ANO2: variants seen among roughly 807,000 people sequenced by gnomAD.
ANO2 encodes anoctamin 2, also known as anoctamin-2.
Under a neutral mutation model 124.2 loss-of-function variants are expected in ANO2, and 101 were observed. That is an observed-to-expected ratio of 0.81 (90% CI 0.69 to 0.96). ANO2 has a LOEUF of 0.96. ANO2 is among the 40% of genes least tolerant of loss of function. The pLI, the probability that ANO2 is intolerant of heterozygous loss-of-function variation, is 0.00. For synonymous variants in ANO2, 486 were observed against 482.5 expected (o/e 1.01, Z -0.09); for missense variants, 1,293 against 1,274.5 (o/e 1.01, Z -0.22).
intron 1 of ANO2, among the ~76,000 whole-genome samples, chr12:5,938,507 T>C (rs75343188): frequency 0.097 from 14,836 of 152,232 alleles, 1,161 homozygotes; most frequent in African/African-American, 0.21. Context: ...CTGCACCCAG[T>C]CTATTTTATT....
intron 13 of ANO2, among the ~76,000 whole-genome samples, chr12:5,733,493 G>A (rs1343498935): frequency 6.6e-6 from 1 of 152,208 alleles, no homozygotes; most frequent in Non-Finnish European, 1.5e-5. Flanking sequence ...TCATGTTCCT[G>A]CATCGTTTAT....
At chr12:5,703,369 T>C (rs1169429796) in intron 14 of ANO2, among the ~76,000 whole-genome samples, 2 of 151,938 alleles carry the variant, frequency 1.3e-5, no homozygotes, top group African/African-American at 4.8e-5. Context: ...TTAAGAGCAG[T>C]GGTAACGTCA....
Position 5,613,177 on chromosome 12 carries a change from G to T in ANO2, c.1929-219C>A, listed in dbSNP as rs112771756. Among the ~76,000 whole-genome samples, 329 of 152,204 alleles carry T rather than the reference G, an allele frequency of 2.2e-3. 2 individuals are homozygous for T. The highest frequency in any genetic ancestry group is 7.6e-3 in the African/African-American group (316 of 41,520). Reference sequence around the variant, plus strand: ...TTCTTAACCCAGTCAAATGTCAGACGATAGGAATAAGCTGGGCAGAGGATG... The same window carrying T: ...TTCTTAACCCAGTCAAATGTCAGACTATAGGAATAAGCTGGGCAGAGGATG... On this transcript the variant is annotated intron_variant, in intron 17 of 24. Transcript: ENST00000682330.
At chr12:5,845,632 G>T (rs1954659117) in intron 4 of ANO2, among the ~76,000 whole-genome samples, 1 of 150,718 alleles carries the variant, frequency 6.6e-6, no homozygotes, top group Non-Finnish European at 1.5e-5. Context: ...TATACTTTGA[G>T]AAATGCCATT....
intron 20 of ANO2, among the ~76,000 whole-genome samples, chr12:5,591,266 G>A (rs1444818473): frequency 6.6e-6 from 1 of 152,190 alleles, no homozygotes; most frequent in Non-Finnish European, 1.5e-5. Context: ...TGTAGTACAG[G>A]TGCTTACATA....
At chr12:5,628,181 C>T (rs892416948) in intron 16 of ANO2, among the ~76,000 whole-genome samples, 2 of 152,184 alleles carry the variant, frequency 1.3e-5, no homozygotes, top group African/African-American at 4.8e-5. Flanking sequence ...TTATAAAGCT[C>T]GCAGGACCCC....
intron 3 of ANO2, among the ~76,000 whole-genome samples, chr12:5,865,416 T>C (rs1450440022): frequency 1.5e-4 from 22 of 145,568 alleles, no homozygotes; most frequent in Non-Finnish European, 7.5e-5. Flanking sequence ...CCATCATGAA[T>C]TCATACCATC....
At chr12:5,679,545 A>G (rs1163679038) in intron 14 of ANO2, among the ~76,000 whole-genome samples, 1 of 152,240 alleles carries the variant, frequency 6.6e-6, no homozygotes, top group African/African-American at 2.4e-5. Flanking sequence ...AAAGCTCAAT[A>G]TCACTGATCA....
At chr12:5,699,451 A>G (rs575051509) in intron 14 of ANO2, among the ~76,000 whole-genome samples, 3 of 152,324 alleles carry the variant, frequency 2.0e-5, no homozygotes, top group Admixed American at 1.3e-4. Flanking sequence ...AGCACTAAAC[A>G]TGGAAAGGAA....
intron 20 of ANO2, among the ~76,000 whole-genome samples, chr12:5,588,778 C>A (rs1412324079): frequency 6.6e-6 from 1 of 152,198 alleles, no homozygotes; most frequent in African/African-American, 2.4e-5. Flanking sequence ...TGACACATTG[C>A]ACAATTGGTT....
At chr12:5,882,188 A>G (rs923446455) in intron 3 of ANO2, among the ~76,000 whole-genome samples, 2 of 152,206 alleles carry the variant, frequency 1.3e-5, no homozygotes, top group Non-Finnish European at 2.9e-5. Context: ...TCATCAACTC[A>G]GTCACTGAAG....
intron 3 of ANO2, among the ~76,000 whole-genome samples, chr12:5,889,850 G>C (rs866285624): frequency 1.6e-4 from 24 of 152,236 alleles, no homozygotes; most frequent in African/African-American, 5.5e-4. Context: ...CCCCGTCCAA[G>C]ACCCTTTACC....
At chr12:5,845,883 A>G (rs903997691) in intron 4 of ANO2, among the ~76,000 whole-genome samples, 7 of 152,256 alleles carry the variant, frequency 4.6e-5, no homozygotes, top group Non-Finnish European at 1.0e-4. Context: ...CAAATCACGT[A>G]CATAAGGCTC....
chr12:5,563,258 G>T lies in ANO2; in HGVS notation c.*41C>A. 6.4e-7 allele frequency: 1 copy of T among 1,566,500 alleles called. No homozygotes were observed. Among genetic ancestry groups the T allele is most frequent in the South Asian group, 1.2e-5 (1 of 85,916 alleles). On this transcript the variant is annotated 3_prime_UTR_variant, in exon 25 of 25. Coordinates refer to ENST00000682330, the MANE Select transcript of ANO2 (RefSeq NM_001364791.2). ...GGAACATGCTTACGTGCATGTGCGT[G>T]TCTCTGCTGCCGTGCCCTCCTCTGC... is the stretch of plus-strand genomic sequence containing the variant.
intron 10 of ANO2, among the ~76,000 whole-genome samples, chr12:5,775,611 G>A (rs1952213649): frequency 6.6e-6 from 1 of 152,022 alleles, no homozygotes; most frequent in Non-Finnish European, 1.5e-5. Flanking sequence ...ACAGGCGTCT[G>A]CCACCACGCC....
In ANO2 at chr12:5,857,772, T is replaced by TGATAGACA. The variant is rs1555174404; in HGVS notation, c.535-3632_535-3631insTGTCTATC. Reference sequence around the variant, plus strand: ...AAGAGAGGAATGGATAAAAGAAATGTGATAGATAGATAGATAGATAGATAG... The same window carrying TGATAGACA: ...AAGAGAGGAATGGATAAAAGAAATGTGATAGACAGATAGATAGATAGATAGATAGATAG... On this transcript the variant is annotated intron_variant, in intron 3 of 24. Transcript: ENST00000682330. Among the ~76,000 whole-genome samples, 945 of 148,408 alleles carry TGATAGACA rather than the reference T, an allele frequency of 6.4e-3. 10 individuals carry two copies. The highest frequency in any genetic ancestry group is 0.021 in the African/African-American group (828 of 40,382).
intron 3 of ANO2, among the ~76,000 whole-genome samples, chr12:5,867,778 G>GAAAAGAAAAAAAAAA (rs752416831): frequency 1.3e-5 from 1 of 78,544 alleles, no homozygotes; most frequent in Non-Finnish European, 2.3e-5. Context: ...GCACTATAAT[G>GAAAAGAAAAAAAAAA]AAAAAAAAAA....
At chr12:5,632,997 A>G (rs956380997) in intron 16 of ANO2, among the ~76,000 whole-genome samples, 4 of 152,178 alleles carry the variant, frequency 2.6e-5, no homozygotes, top group Non-Finnish European at 5.9e-5. Context: ...CTTAAAAAAA[A>G]TCTTCAGTGG....
rs1358985875 is a variant in ANO2, at chr12:5,603,589, TG to T, written c.2088-3961del. ...TTTATGCAACAGCCTAAGGCAAATG[TG>T]AAAATGGCTCATAGAAAGGACTGAA... On this transcript the variant is annotated intron_variant, in intron 19 of 24. Transcript: ENST00000682330. Among the ~76,000 whole-genome samples, 3 of 152,074 alleles carry T rather than the reference TG, an allele frequency of 2.0e-5. No individual in the cohort carries two copies. The East Asian group carries it at 5.8e-4, about 29-fold the overall frequency.
Sources: gnomAD v4.1 joint callset for allele counts (sites outside exome capture counted in the v4.1 genomes callset) on GRCh38, gnomAD v4.1.1 for gene constraint, MANE v1.5 for transcripts, NCBI Gene and HGNC (gene_info 2026-07-23, HGNC 2026-07-21) for gene names.